The following AKAP13 variants were observed in gnomAD, a reference collection of about 807,000 sequenced individuals.
AKAP13 encodes A-kinase anchoring protein 13.
Under a neutral mutation model 264.5 loss-of-function variants are expected in AKAP13, and 80 were observed. The ratio of observed to expected loss-of-function variants is 0.30; its 90% CI spans 0.25 to 0.36. The LOEUF (loss-of-function observed/expected upper bound fraction) is 0.36. AKAP13 is among the 10% of genes least tolerant of loss of function. The pLI is 1.00. For synonymous variants in AKAP13, 1,380 were observed against 1,250.2 expected, an observed-to-expected ratio of 1.10 and a Z score of -2.19; for missense variants, 3,712 against 3,435.2, an observed-to-expected ratio of 1.08 and a Z score of -2.01.
intron 5 of AKAP13, among the ~76,000 whole-genome samples, chr15:85,554,621 C>T (rs2078075161): frequency 6.6e-6 from 1 of 151,784 alleles, no homozygotes; most frequent in Non-Finnish European, 1.5e-5. Context: ...TCAGAAGTTG[C>T]CTTCTTTTTT....
chr15:85,465,275 T>G (rs1362271642), intron 1 of AKAP13, among the ~76,000 whole-genome samples: 2 of 152,080 alleles, frequency 1.3e-5, no homozygotes, highest in Non-Finnish European at 2.9e-5. Flanking sequence ...TTTTTAACCT[T>G]GCTGTATATA....
At chr15:85,652,765 G>A (rs1169666620) in intron 10 of AKAP13, among the ~76,000 whole-genome samples, 1 of 152,156 alleles carries the variant, frequency 6.6e-6, no homozygotes, top group African/African-American at 2.4e-5. Context: ...TGCTTGTTCA[G>A]TCCTTGGTGT....
At chr15:85,540,380 G>C (rs552667381) in intron 4 of AKAP13, among the ~76,000 whole-genome samples, 1 of 152,166 alleles carries the variant, frequency 6.6e-6, no homozygotes, top group African/African-American at 2.4e-5. Flanking sequence ...AGATCAACTG[G>C]TTAGGGGCTT....
intron 1 of AKAP13, among the ~76,000 whole-genome samples, chr15:85,453,542 G>A (rs1055082477): frequency 3.9e-5 from 6 of 152,216 alleles, no homozygotes; most frequent in African/African-American, 1.4e-4. Flanking sequence ...TGGTCCAAAG[G>A]CACCTATAGG....
At chr15:85,559,855 G>T (rs2078297299) in intron 5 of AKAP13, among the ~76,000 whole-genome samples, 1 of 152,098 alleles carries the variant, frequency 6.6e-6, no homozygotes, top group Non-Finnish European at 1.5e-5. Context: ...TGGGAGTTGG[G>T]GACCCCTGCT....
chr15:85,575,328 T>G lies in AKAP13; in HGVS notation c.860T>G (p.Met287Arg). The G allele has an allele frequency of 6.2e-7, 1 of 1,613,982 alleles. No individual in the cohort carries two copies. The highest frequency in any genetic ancestry group is 8.5e-7 in the Non-Finnish European group (1 of 1,179,844). Reference protein sequence around the residue: ...FKLMNIQQQLMKTNLKQMDSL... With the variant: ...FKLMNIQQQLRKTNLKQMDSL... ...CTTATGAACATCCAACAGCAACTAA[T>G]GGTAAGTCAGAAAGCTTTTATTTTT... The change falls in exon 6 of 37, where the codon ATG (methionine) becomes AGG (arginine). Residue 287 changes from methionine to arginine, a missense_variant and splice_region_variant. This residue lies in a region of AKAP13 where 2,759 missense variants were observed against 2,411.7 expected (regional missense o/e 1.14). Transcript: ENST00000394518.
intron 9 of AKAP13, among the ~76,000 whole-genome samples, chr15:85,641,630 T>C (rs62022905): frequency 0.64 from 95,992 of 150,296 alleles, 30,827 homozygotes; most frequent in Middle Eastern, 0.73. Context: ...GGACTACAGG[T>C]GCCTGCCACC....
chr15:85,630,209 A>AC lies in AKAP13; in HGVS notation c.4162-9165_4162-9164insC, dbSNP rs71141412. Among the ~76,000 whole-genome samples, 256 of 30,498 alleles carry AC rather than the reference A, an allele frequency of 8.4e-3. 10 individuals are homozygous for AC. The highest frequency in any genetic ancestry group is 0.013 in the Non-Finnish European group (201 of 15,774). 20.0% of individuals were successfully genotyped at this position (30,498 alleles called of 152,430 possible). A position where few individuals can be genotyped will look rare whatever the true frequency, so the allele number is the denominator to read the frequency against. ...CACACACACACACACACACACACAC[A>AC]TCATGAACTAAGATGGAAAATTGTA... On this transcript the variant is annotated intron_variant, in intron 8 of 36. Coordinates refer to ENST00000394518, the MANE Select transcript of AKAP13 (RefSeq NM_007200.5).
Position 85,399,520 on chromosome 15 carries a change from AAATAAAAAAAT to A in AKAP13, c.-12+18725_-12+18735del, listed in dbSNP as rs1567038634. ...TCCGTCTCAAAAAAAAAAAAAAAAA[AAATAAAAAAAT>A]AAAAAAATAAATAAATAAATAAATA... On this transcript the variant is annotated intron_variant, in intron 1 of 36. Coordinates refer to ENST00000394518, the MANE Select transcript of AKAP13 (RefSeq NM_007200.5). Among the ~76,000 whole-genome samples the A allele has an allele frequency of 6.5e-4, 76 of 117,822 alleles. 1 individual carries two copies. Among genetic ancestry groups the A allele is most frequent in the African/African-American group, 2.6e-3 (70 of 26,438 alleles). 77.3% of individuals were successfully genotyped at this position (117,822 alleles called of 152,430 possible).
Position 85,563,329 on chromosome 15 carries a change from GTTTTTTT to G in AKAP13, c.663-11783_663-11777del, listed in dbSNP as rs1184437606. 7.4e-5 allele frequency among the ~76,000 whole-genome samples: 4 copies of G among 54,196 alleles called. No homozygotes were observed. The South Asian group carries it at 2.3e-3, about 32-fold the overall frequency. 35.6% of individuals were successfully genotyped at this position (54,196 alleles called of 152,430 possible). A position where few individuals can be genotyped will look rare whatever the true frequency, so the allele number is the denominator to read the frequency against. The stretch of plus-strand genomic sequence containing the variant: ...TCCTTCATTTGAGTAGAATGTGCTT[GTTTTTTT>G]TTTTTTTTTTTTTTTTTTAAAGACG... On this transcript the variant is annotated intron_variant, in intron 5 of 36. Transcript: ENST00000394518.
intron 9 of AKAP13, among the ~76,000 whole-genome samples, chr15:85,642,123 A>T (rs1382580103): frequency 6.6e-6 from 1 of 152,222 alleles, no homozygotes; most frequent in East Asian, 1.9e-4. Context: ...TTACTGAATC[A>T]TACATTAAAG....
At position 85,743,711 on chromosome 15, in the gene AKAP13, C is replaced by G. The variant is rs114035801; in HGVS notation, c.8278C>G (p.Gln2760Glu). Residue 2760 changes from glutamine (Q) to glutamate (E), a missense_variant, in exon 36 of 37, where the codon CAG becomes GAG. Physicochemically the swap from Gln to Glu is conservative, Grantham distance 29 (BLOSUM62 2). Coordinates refer to ENST00000394518, the MANE Select transcript of AKAP13 (RefSeq NM_007200.5). ...TSQTNKGPEGQSQAPASTSAS... is the reference protein window; with the variant it reads ...TSQTNKGPEGESQAPASTSAS... Reference sequence around the variant, plus strand: ...CCAGACAAACAAAGGACCAGAAGGGCAGAGCCAGGCCCCTGCGTCCACCTC... The same window carrying G: ...CCAGACAAACAAAGGACCAGAAGGGGAGAGCCAGGCCCCTGCGTCCACCTC... The G allele has an allele frequency of 6.3e-5, 102 of 1,614,108 alleles. 1 individual carries two copies. In the African/African-American group the frequency reaches 1.2e-3, roughly 19 times the overall value.
At chr15:85,601,459 CTGT>C (rs1489767922) in intron 8 of AKAP13, among the ~76,000 whole-genome samples, 10 of 152,150 alleles carry the variant, frequency 6.6e-5, no homozygotes, top group Admixed American at 3.3e-4. Flanking sequence ...TTCATATAGT[CTGT>C]TAAGTTAGAA....
chr15:85,664,648 G>C lies in AKAP13; in HGVS notation c.4885G>C (p.Glu1629Gln). 1 of 1,614,108 alleles carries C rather than the reference G, an allele frequency of 6.2e-7. No individual in the cohort carries two copies. The highest frequency in any genetic ancestry group is 1.7e-4 in the Middle Eastern group (1 of 6,060). Residue 1629 changes from glutamate (E) to glutamine (Q), a missense_variant, in exon 13 of 37, where the codon GAG (glutamate) becomes CAG (glutamine). Coordinates refer to ENST00000394518, the MANE Select transcript of AKAP13 (RefSeq NM_007200.5). Reference sequence around the variant, plus strand: ...AGAAGTAAGCTCTGCAAATGCCGAAGAGCTCAGACACCCATTCAGTGGTGA... The same window carrying C: ...AGAAGTAAGCTCTGCAAATGCCGAACAGCTCAGACACCCATTCAGTGGTGA... ...SLEVSSANAE[E>Q]LRHPFSGEER...
intron 2 of AKAP13, among the ~76,000 whole-genome samples, chr15:85,518,622 C>T (rs1473132272): frequency 6.6e-6 from 1 of 152,162 alleles, no homozygotes; most frequent in African/African-American, 2.4e-5. Flanking sequence ...TGCTTGAGTT[C>T]AGGAGTTTGA....
chr15:85,583,280 A>G (rs2079199393), intron 7 of AKAP13: 1 of 730,024 alleles, frequency 1.4e-6, no homozygotes, highest in South Asian at 6.2e-5. Context: ...AGAGAAATGA[A>G]TCAATGGAGC....
intron 8 of AKAP13, among the ~76,000 whole-genome samples, chr15:85,605,145 A>G (rs2080264339): frequency 6.6e-6 from 1 of 152,216 alleles, no homozygotes; most frequent in African/African-American, 2.4e-5. Flanking sequence ...GCCATTAAAC[A>G]CACACATACA....
chr15:85,728,682 A>T (rs1409651538), intron 29 of AKAP13, among the ~76,000 whole-genome samples: 1 of 152,178 alleles, frequency 6.6e-6, no homozygotes, highest in African/African-American at 2.4e-5. Flanking sequence ...GAAAAAAATT[A>T]TCTCAGCACA....
chr15:85,526,954 ATTTT>A (rs11073395), intron 3 of AKAP13, among the ~76,000 whole-genome samples: 2 of 131,288 alleles, frequency 1.5e-5, no homozygotes. Flanking sequence ...CTTAGTTGTA[ATTTT>A]TTTTTTTTTT....
Sources: gnomAD v4.1 joint callset for allele counts (sites outside exome capture counted in the v4.1 genomes callset) on GRCh38, gnomAD v4.1.1 for gene constraint, gnomAD v4.1.1 regional missense constraint, MANE v1.5 for transcripts, NCBI Gene and HGNC (gene_info 2026-07-23, HGNC 2026-07-21) for gene names.